The following DACH2 variants were observed in gnomAD, a reference collection of about 807,000 sequenced individuals.
DACH2 encodes dachshund family transcription factor 2.
DACH2 carries 17 observed loss-of-function variants against 35.8 expected under a neutral mutation model. The observed-to-expected ratio is 0.48, with a 90% CI of 0.33 to 0.71. DACH2 has a LOEUF of 0.71. Among genes scored for constraint, DACH2 ranks in the 30% least tolerant of loss-of-function variants. DACH2 has a pLI of 0.02. For missense variants in DACH2, 469 were observed against 472.7 expected, an observed-to-expected ratio of 0.99 and a Z score of 0.07; for synonymous variants, 195 against 177.3, an observed-to-expected ratio of 1.10 and a Z score of -0.79.
At chrX:86,241,169 G>A (rs1397252910) in intron 1 of DACH2, among the ~76,000 whole-genome samples, 2 of 111,758 alleles carry the variant, frequency 1.8e-5, no homozygotes, top group African/African-American at 3.3e-5. Context: ...AGAAGAAGAC[G>A]GGGAGATGTG....
intron 3 of DACH2, among the ~76,000 whole-genome samples, chrX:86,530,985 C>T (rs1330873780): frequency 9.0e-6 from 1 of 111,684 alleles, no homozygotes; most frequent in Non-Finnish European, 1.9e-5. Flanking sequence ...AAGCATTGTG[C>T]CCCTGTCCTA....
chrX:86,632,353 TTA>T (rs1491374873), intron 3 of DACH2, among the ~76,000 whole-genome samples: 2 of 111,047 alleles, frequency 1.8e-5, no homozygotes, highest in African/African-American at 3.3e-5. Flanking sequence ...CACTCTAGAC[TTA>T]GAGTTTTGCA....
At chrX:86,194,557 C>A (rs1397501506) in intron 1 of DACH2, among the ~76,000 whole-genome samples, 2 of 112,312 alleles carry the variant, frequency 1.8e-5, no homozygotes, top group Admixed American at 1.9e-4. Flanking sequence ...TGGCCTCCAG[C>A]AAATCCAGAG....
intron 3 of DACH2, among the ~76,000 whole-genome samples, chrX:86,633,445 CA>C (rs1189004880): frequency 1.8e-5 from 2 of 111,312 alleles, no homozygotes; most frequent in Non-Finnish European, 3.8e-5. Flanking sequence ...AAGATTTAAT[CA>C]GTAATAATTA....
intron 1 of DACH2, among the ~76,000 whole-genome samples, chrX:86,211,511 C>T (rs2032445478): frequency 9.0e-6 from 1 of 111,022 alleles, no homozygotes; most frequent in African/African-American, 3.3e-5. Flanking sequence ...GAGATTATGA[C>T]TCTGGTATAG....
intron 3 of DACH2, among the ~76,000 whole-genome samples, chrX:86,548,881 C>A (rs1457864320): frequency 8.9e-6 from 1 of 111,867 alleles, no homozygotes; most frequent in Non-Finnish European, 1.9e-5. Context: ...TATTTTGGGG[C>A]AATCAAAAAC....
intron 7 of DACH2, among the ~76,000 whole-genome samples, chrX:86,792,867 T>G (rs1193046390): frequency 1.8e-5 from 2 of 112,050 alleles, no homozygotes; most frequent in Admixed American, 9.5e-5. Flanking sequence ...TATATTGATT[T>G]CTTTTCCTTT....
At chrX:86,817,025 T>C (rs140608434) in intron 11 of DACH2, among the ~76,000 whole-genome samples, 2,811 of 111,585 alleles carry the variant, frequency 0.025, 87 homozygotes, top group African/African-American at 0.087. Flanking sequence ...AAATATCCAT[T>C]TGGGTTCATC....
chrX:86,760,559 T>G lies in DACH2; in HGVS notation c.1240+20677T>G, dbSNP rs181412923. ...AGTTCCAAAATTACTGTTAGATTTTTTAATCATGTCTATATTTTTGGCAAG... is the reference window on the plus strand; with the variant it reads ...AGTTCCAAAATTACTGTTAGATTTTGTAATCATGTCTATATTTTTGGCAAG... On this transcript the variant is annotated intron_variant, in intron 7 of 11. Coordinates refer to ENST00000373125, the MANE Select transcript of DACH2 (RefSeq NM_053281.3). Among the ~76,000 whole-genome samples, 14 of 112,015 alleles carry G rather than the reference T, an allele frequency of 1.2e-4. No homozygotes were observed. In the East Asian group the frequency reaches 3.9e-3, roughly 31 times the overall value.
chrX:86,528,088 G>A (rs1159310605), intron 3 of DACH2, among the ~76,000 whole-genome samples: 1 of 111,347 alleles, frequency 9.0e-6, no homozygotes, highest in Non-Finnish European at 1.9e-5. Context: ...CAGTGGTTTG[G>A]CTCTCTACAG....
intron 2 of DACH2, among the ~76,000 whole-genome samples, chrX:86,449,581 T>C (rs1403137768): frequency 9.0e-6 from 1 of 111,406 alleles, no homozygotes; most frequent in Non-Finnish European, 1.9e-5. Context: ...CTTCATCTCT[T>C]ATTGTCTTTC....
chrX:86,322,835 G>A (rs1324671580), intron 1 of DACH2, among the ~76,000 whole-genome samples: 2 of 112,402 alleles, frequency 1.8e-5, no homozygotes, highest in Non-Finnish European at 3.7e-5. Flanking sequence ...TGCCATTCTA[G>A]TTGTAGACAC....
intron 3 of DACH2, among the ~76,000 whole-genome samples, chrX:86,591,301 A>T (rs2039642385): frequency 9.0e-6 from 1 of 111,586 alleles, no homozygotes; most frequent in South Asian, 3.7e-4. Context: ...ATGTGTCTTT[A>T]TAGCAGCACG....
chrX:86,316,431 C>T (rs2034907882), intron 1 of DACH2, among the ~76,000 whole-genome samples: 2 of 111,504 alleles, frequency 1.8e-5, no homozygotes, highest in South Asian at 7.6e-4. Context: ...TCCAGGCTGT[C>T]TTTTTCTGGA....
At chrX:86,575,172 T>TA (rs1489446276) in intron 3 of DACH2, among the ~76,000 whole-genome samples, 2 of 110,894 alleles carry the variant, frequency 1.8e-5, no homozygotes, top group African/African-American at 6.5e-5. Flanking sequence ...TTCAGTGAGG[T>TA]AAAAAAATAA....
At chrX:86,765,254 T>C (rs1469498823) in intron 7 of DACH2, among the ~76,000 whole-genome samples, 2 of 111,882 alleles carry the variant, frequency 1.8e-5, no homozygotes. Context: ...TCAATTTTTG[T>C]TTATGTTGCA....
chrX:86,716,083 A>G (rs1320688494), intron 6 of DACH2, among the ~76,000 whole-genome samples: 1 of 111,683 alleles, frequency 9.0e-6, no homozygotes, highest in African/African-American at 3.3e-5. Context: ...CACCAAGTGG[A>G]AGCATGCTTC....
At chrX:86,515,200 G>A (rs898956937) in intron 3 of DACH2, among the ~76,000 whole-genome samples, 2 of 110,896 alleles carry the variant, frequency 1.8e-5, no homozygotes, top group Non-Finnish European at 3.8e-5. Flanking sequence ...TCCTTGCCAC[G>A]CTAGAACTGG....
intron 3 of DACH2, among the ~76,000 whole-genome samples, chrX:86,552,413 G>GTATTTAC (rs1270398246): frequency 9.0e-6 from 1 of 111,471 alleles, no homozygotes; most frequent in Non-Finnish European, 1.9e-5. Context: ...CACTAAAGAC[G>GTATTTAC]TATTTACTTA....
Sources: allele counts gnomAD v4.1 joint callset (sites outside exome capture counted in the v4.1 genomes callset), GRCh38; gene constraint gnomAD v4.1.1; transcripts MANE v1.5; gene names NCBI Gene and HGNC (gene_info 2026-07-23, HGNC 2026-07-21).